The following RFTN2 variants were observed in gnomAD, a reference collection of about 807,000 sequenced individuals.
RFTN2 encodes raftlin-2.
A neutral mutation model predicts 52.7 loss-of-function variants in RFTN2; 34 were observed. The observed-to-expected ratio is 0.64, with a 90% confidence interval of 0.49 to 0.86. The LOEUF (loss-of-function observed/expected upper bound fraction) is 0.86. RFTN2 is among the 40% of genes least tolerant of loss of function. The pLI is 0.00. For missense variants in RFTN2, 536 were observed against 600.1 expected (o/e 0.89, Z 1.12); for synonymous variants, 203 against 217.7 (o/e 0.93, Z 0.59).
At chr2:197,624,160 A>G (rs1300093655) in intron 5 of RFTN2, among the ~76,000 whole-genome samples, 1 of 152,194 alleles carries the variant, frequency 6.6e-6, no homozygotes, top group Non-Finnish European at 1.5e-5. Flanking sequence ...CATTGTTGAA[A>G]TGACAATGAA....
At chr2:197,620,890 C>T (rs1022251801) in intron 5 of RFTN2, among the ~76,000 whole-genome samples, 7 of 152,120 alleles carry the variant, frequency 4.6e-5, no homozygotes, top group African/African-American at 1.2e-4. Context: ...CGCTTGAACC[C>T]GGGAGGGGGA....
intron 5 of RFTN2, among the ~76,000 whole-genome samples, chr2:197,621,908 A>G (rs1036378782): frequency 7.2e-5 from 11 of 152,234 alleles, no homozygotes; most frequent in African/African-American, 2.7e-4. Context: ...TCAGTTAGCC[A>G]AATTGTGAAT....
At chr2:197,658,269 T>C (rs967440481) in intron 1 of RFTN2, among the ~76,000 whole-genome samples, 1 of 151,836 alleles carries the variant, frequency 6.6e-6, no homozygotes, top group African/African-American at 2.4e-5. Flanking sequence ...AAACCTTACT[T>C]ATGAGGGATG....
intron 1 of RFTN2, among the ~76,000 whole-genome samples, chr2:197,651,405 G>A (rs1313153650): frequency 6.6e-6 from 1 of 152,162 alleles, no homozygotes; most frequent in Non-Finnish European, 1.5e-5. Context: ...GATCACCTGA[G>A]ATCAGGAGTT....
At position 197,580,938 on chromosome 2, in the gene RFTN2, T is replaced by C. The variant is rs182523498; in HGVS notation, c.1234-8658A>G. Among the ~76,000 whole-genome samples, 139 of 152,300 alleles carry C rather than the reference T, an allele frequency of 9.1e-4. 1 individual carries two copies. The highest frequency in any genetic ancestry group is 3.2e-3 in the African/African-American group (131 of 41,560). ...ATTCCTGGACCACAGCCACATCTCATTGCTGCCCTTCGTCCCAACCCAAAA... is the reference window on the plus strand; with the variant it reads ...ATTCCTGGACCACAGCCACATCTCACTGCTGCCCTTCGTCCCAACCCAAAA... On this transcript the variant is annotated intron_variant, in intron 8 of 8. Coordinates refer to ENST00000295049, the MANE Select transcript of RFTN2 (RefSeq NM_144629.3).
intron 1 of RFTN2, among the ~76,000 whole-genome samples, chr2:197,647,289 C>T (rs2088767202): frequency 6.6e-6 from 1 of 152,032 alleles, no homozygotes; most frequent in Admixed American, 6.5e-5. Context: ...GTGGCACAAT[C>T]GTGGCTCTCT....
chr2:197,673,983 AT>A (rs1169746575), intron 1 of RFTN2, among the ~76,000 whole-genome samples: 1 of 152,174 alleles, frequency 6.6e-6, no homozygotes, highest in Non-Finnish European at 1.5e-5. Context: ...GATGAGGAAA[AT>A]CAATGGTGTG....
rs367830589 is a variant in RFTN2, at chr2:197,631,197, C to A, written c.742G>T (p.Val248Phe). The change falls in exon 5 of 9, where the codon GTC becomes TTC. Residue 248 changes from valine (V) to phenylalanine (F), a missense_variant. By Grantham distance (50) the Val-to-Phe change is conservative (BLOSUM62 -1). Transcript: ENST00000295049. Reference protein sequence around the residue: ...GEASDNKLYTVFNAFDDDSTS... With the variant: ...GEASDNKLYTFFNAFDDDSTS... ...GAATCATCATCAAAAGCATTGAAGA[C>A]TGTATACAATTTGTTATCTGAGGCT... 8 of 1,611,802 alleles carry A rather than the reference C, an allele frequency of 5.0e-6. No individual in the cohort carries two copies. The highest frequency in any genetic ancestry group is 6.8e-6 in the Non-Finnish European group (8 of 1,179,304).
chr2:197,658,517 A>T (rs1288623581), intron 1 of RFTN2, among the ~76,000 whole-genome samples: 1 of 150,598 alleles, frequency 6.6e-6, no homozygotes, highest in Non-Finnish European at 1.5e-5. Context: ...GAACTCCTGG[A>T]CTCAGGCTAT....
intron 1 of RFTN2, among the ~76,000 whole-genome samples, chr2:197,659,715 G>T (rs1262563671): frequency 1.3e-5 from 2 of 151,928 alleles, no homozygotes; most frequent in African/African-American, 4.8e-5. Context: ...TACTTTGGAG[G>T]CTGAGGCAGG....
chr2:197,584,606 T>G (rs1337971118), intron 8 of RFTN2, among the ~76,000 whole-genome samples: 4 of 152,194 alleles, frequency 2.6e-5, no homozygotes, highest in African/African-American at 7.2e-5. Context: ...CAGAAGCTCT[T>G]TAGTTTAATT....
chr2:197,598,309 G>A (rs2087823401), intron 7 of RFTN2, among the ~76,000 whole-genome samples: 1 of 151,932 alleles, frequency 6.6e-6, no homozygotes, highest in African/African-American at 2.4e-5. Flanking sequence ...GACAGAAAGA[G>A]AACCTATCTT....
chr2:197,588,429 G>A lies in RFTN2; in HGVS notation c.1233+7562C>T, dbSNP rs769256049. 2.4e-4 allele frequency among the ~76,000 whole-genome samples: 37 copies of A among 152,158 alleles called. 1 individual carries two copies. The highest frequency in any genetic ancestry group is 4.6e-4 in the Non-Finnish European group (31 of 68,028). On this transcript the variant is annotated intron_variant, in intron 8 of 8. Transcript: ENST00000295049. ...GATGGGGTCCCAAGTTGCCCCAGTT[G>A]GTCTCAAACTCCTGGCCTCATGGCC... is the stretch of plus-strand genomic sequence containing the variant.
At chr2:197,644,020 T>G in intron 3 of RFTN2, 138 bp downstream of exon 3, 1 of 638,546 alleles carries the variant, frequency 1.6e-6, no homozygotes, top group East Asian at 2.8e-5. Context: ...TTGGCACAAG[T>G]ACTTCGATAT....
At chr2:197,620,303 A>G (rs1312104751) in intron 5 of RFTN2, among the ~76,000 whole-genome samples, 1 of 152,146 alleles carries the variant, frequency 6.6e-6, no homozygotes, top group African/African-American at 2.4e-5. Context: ...TTTCTTGAAT[A>G]GTTGACAATA....
chr2:197,631,591 C>A (rs990932055), intron 4 of RFTN2, among the ~76,000 whole-genome samples: 4 of 152,118 alleles, frequency 2.6e-5, no homozygotes, highest in Non-Finnish European at 4.4e-5. Context: ...TATGAATTGA[C>A]CTTTTGTTCA....
chr2:197,618,044 G>T (rs2088175474), intron 5 of RFTN2, 123 bp from the exon 6 acceptor site: 1 of 626,858 alleles, frequency 1.6e-6, no homozygotes, highest in Non-Finnish European at 2.3e-6. Context: ...AAAAACATTT[G>T]TTGCCCCCTC....
At chr2:197,618,738 G>A (rs1463702750) in intron 5 of RFTN2, among the ~76,000 whole-genome samples, 4 of 148,284 alleles carry the variant, frequency 2.7e-5, no homozygotes, top group African/African-American at 1.0e-4. Flanking sequence ...CTGCCCTGCC[G>A]CCCCGTCCGG....
At chr2:197,582,688 G>A (rs894060177) in intron 8 of RFTN2, among the ~76,000 whole-genome samples, 3 of 152,160 alleles carry the variant, frequency 2.0e-5, no homozygotes, top group African/African-American at 7.2e-5. Flanking sequence ...CCACCATGCT[G>A]TTATATGGGC....
Sources: gnomAD v4.1 joint callset for allele counts (sites outside exome capture counted in the v4.1 genomes callset) on GRCh38, gnomAD v4.1.1 for gene constraint, MANE v1.5 for transcripts, NCBI Gene and HGNC (gene_info 2026-07-23, HGNC 2026-07-21) for gene names.